Variants in KMT2E observed in about 807,000 individuals in gnomAD.
KMT2E encodes the protein histone reader KMT2E.
In KMT2E, 30 loss-of-function variants were observed where a neutral mutation model predicts 184.6. The observed-to-expected ratio is 0.16, with a 90% CI of 0.12 to 0.22. KMT2E has a LOEUF of 0.22. Among genes scored for constraint, KMT2E ranks in the 10% least tolerant of loss-of-function variants. The pLI is 1.00. For synonymous variants in KMT2E, 815 were observed against 776.5 expected (o/e 1.05, Z -0.82); for missense variants, 2,023 against 2,237.4 (o/e 0.90, Z 1.93).
At chr7:105,051,836 C>G (rs1464981028) in intron 3 of KMT2E, among the ~76,000 whole-genome samples, 5 of 152,154 alleles carry the variant, frequency 3.3e-5, no homozygotes, top group Admixed American at 2.6e-4. Context: ...TGGTCTCGAA[C>G]TCCTGACTTC....
At chr7:105,057,533 T>C (rs1400407468) in intron 3 of KMT2E, among the ~76,000 whole-genome samples, 6 of 151,946 alleles carry the variant, frequency 3.9e-5, no homozygotes, top group African/African-American at 1.4e-4. Flanking sequence ...CATCTTCAAC[T>C]TGCCTGTCTC....
intron 22 of KMT2E, 49 bp downstream of exon 22, chr7:105,107,974 T>C: frequency 7.9e-7 from 1 of 1,263,958 alleles, no homozygotes; most frequent in Non-Finnish European, 1.1e-6. Flanking sequence ...TTTTTTTTTT[T>C]TCATAATACT....
At chr7:105,101,184 T>C (rs1197726450) in intron 15 of KMT2E, among the ~76,000 whole-genome samples, 2 of 152,194 alleles carry the variant, frequency 1.3e-5, no homozygotes, top group Non-Finnish European at 2.9e-5. Flanking sequence ...TCATTAACAC[T>C]CAGTCATCCA....
At position 105,112,664 on chromosome 7, in the gene KMT2E, A is replaced by G; in HGVS notation, c.4908A>G (p.Pro1636=). The part of the protein sequence containing the change: ...VPPPPPPPPA[P]GPHLVQQPNS... ...CTCCTCCTCCACCACCACCTGCTCC[A>G]GGACCGCACCTTGTACAACAGCCGA... Residue 1636 remains proline (P), a synonymous_variant, in exon 27 of 27, where the codon CCA becomes CCG. Coordinates refer to ENST00000311117, the MANE Select transcript of KMT2E (RefSeq NM_182931.3). 1.2e-6 allele frequency: 2 copies of G among 1,613,750 alleles called. No homozygotes were observed. The highest frequency in any genetic ancestry group is 1.7e-6 in the Non-Finnish European group (2 of 1,179,936).
At chr7:105,073,181 G>T (rs1797395266) in intron 6 of KMT2E, among the ~76,000 whole-genome samples, 1 of 151,396 alleles carries the variant, frequency 6.6e-6, no homozygotes, top group South Asian at 2.1e-4. Flanking sequence ...GGCAGGGGTG[G>T]GAGGATCACT....
chr7:105,105,738 C>T (rs1798871094), intron 18 of KMT2E, 45 bp downstream of exon 18: 1 of 1,575,048 alleles, frequency 6.3e-7, no homozygotes, highest in Non-Finnish European at 8.6e-7. Context: ...AGCCAAATGC[C>T]AACTCATTCC....
intron 15 of KMT2E, among the ~76,000 whole-genome samples, chr7:105,095,245 C>T (rs1001658231): frequency 3.3e-5 from 5 of 152,024 alleles, no homozygotes; most frequent in Non-Finnish European, 7.4e-5. Flanking sequence ...GTCTCATGAA[C>T]TCTAGGTAAT....
chr7:105,035,007 C>A (rs980572181), intron 1 of KMT2E, among the ~76,000 whole-genome samples: 1 of 151,376 alleles, frequency 6.6e-6, no homozygotes, highest in African/African-American at 2.4e-5. Context: ...AGGTGCCCAC[C>A]ACCACACCTG....
At chr7:105,071,139 G>A (rs1256078059) in intron 6 of KMT2E, among the ~76,000 whole-genome samples, 1 of 152,080 alleles carries the variant, frequency 6.6e-6, no homozygotes, top group Non-Finnish European at 1.5e-5. Flanking sequence ...ATATGCTGAA[G>A]ATCACAGTAG....
chr7:105,061,960 C>T (rs1351629739), intron 3 of KMT2E: 3 of 388,812 alleles, frequency 7.7e-6, no homozygotes, highest in African/African-American at 2.1e-5. Context: ...TGGATTGGGA[C>T]ATTTATTTTA....
intron 1 of KMT2E, among the ~76,000 whole-genome samples, chr7:105,021,803 T>C (rs1370342184): frequency 6.6e-6 from 1 of 152,148 alleles, no homozygotes; most frequent in African/African-American, 2.4e-5. Flanking sequence ...ATAATTGATA[T>C]ATCACACTGA....
chr7:105,084,487 C>T (rs754002193), intron 13 of KMT2E, among the ~76,000 whole-genome samples: 10 of 152,016 alleles, frequency 6.6e-5, no homozygotes, highest in East Asian at 3.9e-4. Flanking sequence ...ATTATCCGGG[C>T]GTGGTGGCGG....
At chr7:105,066,116 C>G (rs1025680581) in intron 5 of KMT2E, among the ~76,000 whole-genome samples, 2 of 151,850 alleles carry the variant, frequency 1.3e-5, no homozygotes, top group Non-Finnish European at 2.9e-5. Flanking sequence ...GCAGTTTCTT[C>G]TTTGAATTAA....
intron 2 of KMT2E, chr7:105,038,463 A>G (rs1795752389): frequency 6.6e-6 from 1 of 152,136 alleles, no homozygotes; most frequent in African/African-American, 2.4e-5. Context: ...CCCTAGTTCA[A>G]GCGATTCTCC....
chr7:105,069,563 C>G (rs1191985875), intron 6 of KMT2E, among the ~76,000 whole-genome samples: 2 of 152,182 alleles, frequency 1.3e-5, no homozygotes, highest in East Asian at 3.8e-4. Flanking sequence ...ATAACACCAA[C>G]TGGATACACA....
At chr7:105,080,309 TTGG>T (rs1280329745) in intron 12 of KMT2E, among the ~76,000 whole-genome samples, 1 of 152,270 alleles carries the variant, frequency 6.6e-6, no homozygotes, top group South Asian at 2.1e-4. Context: ...GAAAATCGTG[TTGG>T]TTTTGTTTTT....
chr7:105,053,551 G>A (rs1796432911), intron 3 of KMT2E, among the ~76,000 whole-genome samples: 1 of 152,104 alleles, frequency 6.6e-6, no homozygotes, highest in African/African-American at 2.4e-5. Context: ...TTATAGTAAT[G>A]TGCTATAGAT....
intron 3 of KMT2E, among the ~76,000 whole-genome samples, chr7:105,059,809 T>A (rs1796718205): frequency 6.6e-6 from 1 of 151,916 alleles, no homozygotes; most frequent in Admixed American, 6.6e-5. Context: ...TGAGAATGTT[T>A]GGGAGTTGGG....
intron 3 of KMT2E, among the ~76,000 whole-genome samples, chr7:105,045,310 A>G (rs1584720978): frequency 6.6e-6 from 1 of 152,244 alleles, no homozygotes; most frequent in South Asian, 2.1e-4. Context: ...GGTAAAATAG[A>G]TACAACATTT....
Sources: allele counts gnomAD v4.1 joint callset (sites outside exome capture counted in the v4.1 genomes callset), GRCh38; gene constraint gnomAD v4.1.1; transcripts MANE v1.5; gene names NCBI Gene and HGNC (gene_info 2026-07-23, HGNC 2026-07-21).